Variants in SLC35D1 observed in about 807,000 individuals in gnomAD.
The protein encoded by SLC35D1 is nucleotide sugar transporter SLC35D1.
Under a neutral mutation model 46.7 loss-of-function variants are expected in SLC35D1, and 31 were observed. The observed-to-expected ratio is 0.66, with a 90% CI of 0.50 to 0.90. The LOEUF (loss-of-function observed/expected upper bound fraction) is 0.90. SLC35D1 is among the 40% of genes least tolerant of loss of function. SLC35D1 has a pLI of 0.00. For missense variants in SLC35D1, 397 were observed against 426.2 expected, an observed-to-expected ratio of 0.93 and a Z score of 0.60; for synonymous variants, 195 against 164.6, an observed-to-expected ratio of 1.18 and a Z score of -1.41.
At chr1:67,034,098 G>A (rs2102321854) in intron 8 of SLC35D1, among the ~76,000 whole-genome samples, 2 of 152,316 alleles carry the variant, frequency 1.3e-5, no homozygotes. Flanking sequence ...CTATAGCTCT[G>A]TAGTATAATT....
the SLC35D1 span, among the ~76,000 whole-genome samples, chr1:66,983,739 T>TG: frequency 6.6e-6 from 1 of 152,214 alleles, no homozygotes; most frequent in Non-Finnish European, 1.5e-5. Flanking sequence ...ATCTTTTTTT[T>TG]CTTTTTGAGA....
chr1:67,041,632 CT>C (rs991953816), intron 8 of SLC35D1, among the ~76,000 whole-genome samples: 1 of 152,138 alleles, frequency 6.6e-6, no homozygotes, highest in African/African-American at 2.4e-5. Flanking sequence ...CCTACACGGG[CT>C]TGTTTTAAAG....
the SLC35D1 span, among the ~76,000 whole-genome samples, chr1:66,983,701 A>T: frequency 6.6e-6 from 1 of 152,202 alleles, no homozygotes; most frequent in African/African-American, 2.4e-5. Flanking sequence ...AGATTATTTA[A>T]GTCTACTTAG....
the SLC35D1 span, among the ~76,000 whole-genome samples, chr1:66,977,818 A>ATAAAAAAATAATGCAAT: frequency 1.7e-4 from 26 of 152,284 alleles, no homozygotes; most frequent in African/African-American, 6.3e-4. Flanking sequence ...AATAATGCAA[A>ATAAAAAAATAATGCAAT]ATAAAAAATA....
chr1:67,021,706 G>GACACACAC (rs1304759407), intron 8 of SLC35D1, 104 bp from the exon 9 acceptor site: 17 of 243,280 alleles, frequency 7.0e-5, no homozygotes, highest in African/African-American at 4.4e-4. Context: ...CACAGACACA[G>GACACACAC]ACACAGACAC....
At chr1:67,014,555 T>C (rs181599607) in intron 10 of SLC35D1, among the ~76,000 whole-genome samples, 3 of 151,972 alleles carry the variant, frequency 2.0e-5, no homozygotes, top group Admixed American at 2.0e-4. Context: ...AAGTTAGTAC[T>C]CACAAATTAA....
intron 11 of SLC35D1, among the ~76,000 whole-genome samples, chr1:67,007,220 G>GA (rs1487187239): frequency 1.3e-5 from 2 of 152,168 alleles, no homozygotes; most frequent in Admixed American, 1.3e-4. Context: ...ATAAACAACA[G>GA]AAATTTATTT....
intron 8 of SLC35D1, among the ~76,000 whole-genome samples, chr1:67,022,876 C>T (rs1667840324): frequency 6.6e-6 from 1 of 152,184 alleles, no homozygotes; most frequent in Non-Finnish European, 1.5e-5. Context: ...CTCTGATCTA[C>T]TTTCTGTTAC....
intron 8 of SLC35D1, chr1:67,031,913 G>T: frequency 3.5e-6 from 1 of 286,960 alleles, no homozygotes; most frequent in Non-Finnish European, 5.2e-6. Context: ...AGAAGGCATG[G>T]TGAACATACA....
At chr1:66,992,834 GAGAA>G in the SLC35D1 span, among the ~76,000 whole-genome samples, 2 of 152,226 alleles carry the variant, frequency 1.3e-5, no homozygotes, top group African/African-American at 4.8e-5. Flanking sequence ...GCTGGTCACA[GAGAA>G]AGACTATTAG....
chr1:67,012,002 A>G (rs1481295036), intron 10 of SLC35D1, among the ~76,000 whole-genome samples: 1 of 152,178 alleles, frequency 6.6e-6, no homozygotes, highest in Non-Finnish European at 1.5e-5. Context: ...TGCCCTTGAA[A>G]GTTTGACTTC....
chr1:67,052,880 T>A, intron 2 of SLC35D1, 23 bp from the exon 3 acceptor site: 1 of 1,613,806 alleles, frequency 6.2e-7, no homozygotes, highest in Non-Finnish European at 8.5e-7. Context: ...GAACACAGAT[T>A]CACTGTTCTA....
At chr1:66,983,980 T>A in the SLC35D1 span, among the ~76,000 whole-genome samples, 1 of 152,210 alleles carries the variant, frequency 6.6e-6, no homozygotes, top group Non-Finnish European at 1.5e-5. Context: ...CGCCTTGGCC[T>A]CCCAAAGTGC....
At position 67,021,507 on chromosome 1, in the gene SLC35D1, A is replaced by C. The variant is rs762405791; in HGVS notation, c.797+28T>G. Reference sequence around the variant, plus strand: ...TCTAACCTATTTCTTTAGGAAAACTATCTGCTAACAAGGTAACAAAGGCTT... The same window carrying C: ...TCTAACCTATTTCTTTAGGAAAACTCTCTGCTAACAAGGTAACAAAGGCTT... On this transcript the variant is annotated intron_variant, in intron 9 of 11. Transcript: ENST00000235345. The C allele has an allele frequency of 5.6e-6, 9 of 1,611,844 alleles. No individual in the cohort carries two copies. In the South Asian group the frequency reaches 9.9e-5, roughly 18 times the overall value.
rs376292203 is a variant in SLC35D1, at chr1:67,040,145, C to T, written c.729+2091G>A. 1.7e-4 allele frequency among the ~76,000 whole-genome samples: 26 copies of T among 152,164 alleles called. No individual in the cohort carries two copies. In the South Asian group the frequency reaches 1.9e-3, roughly 11 times the overall value. On this transcript the variant is annotated intron_variant, in intron 8 of 11. Transcript: ENST00000235345. ...CAGTAGCTGGGACTACAGACACACC[C>T]GACCATTTGTGCTAATTTTTTTGGA...
At chr1:67,045,864 G>A (rs951030432) in intron 7 of SLC35D1, among the ~76,000 whole-genome samples, 2 of 152,190 alleles carry the variant, frequency 1.3e-5, no homozygotes, top group East Asian at 1.9e-4. Flanking sequence ...TCTATTAACA[G>A]TGATGTTTTA....
chr1:67,004,479 GAGGA>G (rs781678031), intron 11 of SLC35D1, 31 bp from the exon 12 acceptor site: 1 of 1,589,106 alleles, frequency 6.3e-7, no homozygotes, highest in South Asian at 1.1e-5. Context: ...ATCAGAGATG[GAGGA>G]AGGGAGGGTT....
chr1:67,051,239 A>C (rs375282828), intron 4 of SLC35D1, among the ~76,000 whole-genome samples: 40 of 152,234 alleles, frequency 2.6e-4, no homozygotes, highest in African/African-American at 9.4e-4. Context: ...CTCGGGTTTT[A>C]AAGGAAGAAA....
intron 3 of SLC35D1, among the ~76,000 whole-genome samples, chr1:67,052,376 C>A (rs1202969021): frequency 6.6e-6 from 1 of 152,048 alleles, no homozygotes; most frequent in African/African-American, 2.4e-5. Flanking sequence ...TATTAGAGCC[C>A]ATGGCTCTAT....
Sources: allele counts gnomAD v4.1 joint callset (sites outside exome capture counted in the v4.1 genomes callset), GRCh38; gene constraint gnomAD v4.1.1; transcripts MANE v1.5; gene names NCBI Gene and HGNC (gene_info 2026-07-23, HGNC 2026-07-21).